The following MROH1 variants were observed in gnomAD, a reference collection of about 807,000 sequenced individuals.
MROH1 encodes the protein maestro heat-like repeat-containing protein family member 1.
In MROH1, 117 loss-of-function variants were observed where a neutral mutation model predicts 116.5. The observed-to-expected ratio is 1.00, with a 90% CI of 0.86 to 1.17. The LOEUF is 1.17. Among genes scored for constraint, MROH1 ranks in the 50% most tolerant of loss-of-function variants. The pLI, the probability that MROH1 is intolerant of heterozygous loss-of-function variation, is 0.00. For missense variants in MROH1, 1,873 were observed against 1,338.5 expected (o/e 1.40, Z -6.23); for synonymous variants, 921 against 583.9 (o/e 1.58, Z -8.32).
chr8:144,243,073 C>T (rs1002076253), intron 24 of MROH1, among the ~76,000 whole-genome samples: 2,160 of 152,378 alleles, frequency 0.014, 40 homozygotes, highest in African/African-American at 0.047. Context: ...AACAAGTTTC[C>T]CTTCTGGCCT....
intron 37 of MROH1, 78 bp downstream of exon 37, chr8:144,259,432 A>AC (rs1262968496): frequency 4.2e-6 from 3 of 709,696 alleles, no homozygotes; most frequent in South Asian, 1.5e-5. Flanking sequence ...CCCTTTTCTT[A>AC]CCCCTAAAAG....
intron 36 of MROH1, 31 bp from the exon 37 acceptor site, chr8:144,259,209 C>G: frequency 2.8e-6 from 2 of 709,732 alleles, no homozygotes; most frequent in Non-Finnish European, 5.2e-6. Context: ...ACAGCAACAG[C>G]CCCTGCACCC....
At chr8:144,172,757 C>T (rs1822830185) in intron 4 of MROH1, among the ~76,000 whole-genome samples, 1 of 152,104 alleles carries the variant, frequency 6.6e-6, no homozygotes, top group African/African-American at 2.4e-5. Context: ...CTGAATCCAC[C>T]TACGCCCTAT....
At chr8:144,168,860 T>C (rs1035467911) in intron 4 of MROH1, among the ~76,000 whole-genome samples, 6 of 152,202 alleles carry the variant, frequency 3.9e-5, no homozygotes, top group Non-Finnish European at 8.8e-5. Context: ...GGCCCGGCGC[T>C]GCTGGTCTTC....
rs149334326 is a variant in MROH1 at position 144,174,758 on chromosome 8, C to T, written c.169-4697C>T. 1.7e-3 allele frequency: 1,529 copies of T among 875,548 alleles called. 14 individuals carry two copies. In the African/African-American group the frequency reaches 0.024, roughly 14 times the overall value. 54.2% of individuals were successfully genotyped at this position (875,548 alleles called of 1,614,324 possible). On this transcript the variant is annotated intron_variant, in intron 4 of 43. Coordinates refer to ENST00000326134, the MANE Select transcript of MROH1 (RefSeq NM_032450.3). Reference sequence around the variant, plus strand: ...TTGGCCTCCCAAAGTGCTGGGGTTACAGGTGTGAGCCACTGTGGCTGGCCC... The same window carrying T: ...TTGGCCTCCCAAAGTGCTGGGGTTATAGGTGTGAGCCACTGTGGCTGGCCC...
intron 11 of MROH1, among the ~76,000 whole-genome samples, 152 bp downstream of exon 11, chr8:144,199,352 A>AGGCCTCTGAACCAG (rs570366187): frequency 2.0e-5 from 3 of 152,226 alleles, no homozygotes; most frequent in African/African-American, 7.2e-5. Flanking sequence ...GTGGCTCCAG[A>AGGCCTCTGAACCAG]GGCCTCTGAA....
At chr8:144,172,481 G>A (rs575828220) in intron 4 of MROH1, among the ~76,000 whole-genome samples, 287 of 149,646 alleles carry the variant, frequency 1.9e-3, no homozygotes, top group Non-Finnish European at 2.9e-3. Context: ...GCGCGATCTC[G>A]GCTCACTGCA....
chr8:144,177,501 C>A (rs1824308189), intron 4 of MROH1, among the ~76,000 whole-genome samples: 1 of 152,244 alleles, frequency 6.6e-6, no homozygotes, highest in Non-Finnish European at 1.5e-5. Context: ...TGGCTGTCTT[C>A]ACTGAGCCGG....
At position 144,261,546 on chromosome 8, in the gene MROH1, G is replaced by A. The variant is rs985467761; in HGVS notation, c.4841-109G>A. On this transcript the variant is annotated intron_variant, in intron 43 of 43. Coordinates refer to ENST00000326134, the MANE Select transcript of MROH1 (RefSeq NM_032450.3). Reference sequence around the variant, plus strand: ...CTAAAAAAGGAAAAACGATCTTTCCGTTGGCTCCTGAGCCTCCCAGCAGAG... The same window carrying A: ...CTAAAAAAGGAAAAACGATCTTTCCATTGGCTCCTGAGCCTCCCAGCAGAG... 73 of 691,896 alleles carry A rather than the reference G, an allele frequency of 1.1e-4. 2 individuals carry two copies. Among genetic ancestry groups the A allele is most frequent in the East Asian group, 7.3e-4 (27 of 37,142 alleles). The allele number at this position is 691,896 out of a possible 1,614,324, so 42.9% of individuals were successfully genotyped here.
chr8:144,259,930 C>T lies in MROH1; in HGVS notation c.4064C>T (p.Ala1355Val). ...FLAELLNSNV[A>V]NDLMLLDSLL... ...CTGCAGCTGCTGAACAGCAACGTGGCCAACGACCTCATGCTCTTGGACTCG... is the reference window on the plus strand; with the variant it reads ...CTGCAGCTGCTGAACAGCAACGTGGTCAACGACCTCATGCTCTTGGACTCG... The change falls in exon 38 of 44, where the codon GCC (alanine) becomes GTC (valine). Residue 1355 changes from alanine (A) to valine (V), a missense_variant. Transcript: ENST00000326134. The T allele has an allele frequency of 1.3e-6, 1 of 741,876 alleles. No homozygotes were observed. Among genetic ancestry groups the T allele is most frequent in the East Asian group, 2.6e-5 (1 of 38,968 alleles). The allele number at this position is 741,876 out of a possible 1,614,324, so 46.0% of individuals were successfully genotyped here.
chr8:144,190,894 G>T lies in MROH1; in HGVS notation c.673G>T (p.Asp225Tyr), dbSNP rs778259777. 1.2e-6 allele frequency: 2 copies of T among 1,613,558 alleles called. No individual in the cohort carries two copies. Among genetic ancestry groups the T allele is most frequent in the Non-Finnish European group, 1.7e-6 (2 of 1,179,882 alleles). Residue 225 changes from aspartate to tyrosine, a missense_variant, in exon 8 of 44, where the codon GAT becomes TAT. Coordinates refer to ENST00000326134, the MANE Select transcript of MROH1 (RefSeq NM_032450.3). ...TGCCACCGACATCTTCAGCGCCTAC[G>T]ATGTTCTCTTCCATCAGTGGCTGCA... ...AFATDIFSAYDVLFHQWLQSR... is the reference protein window; with the variant it reads ...AFATDIFSAYYVLFHQWLQSR...
intron 37 of MROH1, 31 bp downstream of exon 37, chr8:144,259,385 C>T (rs2129979432): frequency 1.4e-6 from 1 of 714,598 alleles, no homozygotes; most frequent in Non-Finnish European, 2.6e-6. Context: ...ATGCTGGGCA[C>T]CAAGGTGGGG....
At chr8:144,257,456 G>A (rs1844102528) in intron 35 of MROH1, among the ~76,000 whole-genome samples, 1 of 152,132 alleles carries the variant, frequency 6.6e-6, no homozygotes, top group African/African-American at 2.4e-5. Flanking sequence ...AGCTCCTACA[G>A]CCCCTGTCCA....
chr8:144,168,723 G>C (rs188727456), intron 4 of MROH1, among the ~76,000 whole-genome samples: 1 of 152,184 alleles, frequency 6.6e-6, no homozygotes, highest in African/African-American at 2.4e-5. Flanking sequence ...CCTAATGGCC[G>C]GGCTGTGTGC....
chr8:144,165,824 C>T (rs374215694), intron 3 of MROH1, among the ~76,000 whole-genome samples: 2 of 149,132 alleles, frequency 1.3e-5, no homozygotes, highest in Non-Finnish European at 3.0e-5. Context: ...CTTAAGTGAT[C>T]GGCCTCCCAA....
rs1311583810 is a variant in MROH1 at position 144,199,114 on chromosome 8, T to C, written c.949-8T>C. 1 of 1,613,438 alleles carries C rather than the reference T, an allele frequency of 6.2e-7. No individual in the cohort carries two copies. The highest frequency in any genetic ancestry group is 8.5e-7 in the Non-Finnish European group (1 of 1,179,636). On this transcript the variant is annotated splice_region_variant and splice_polypyrimidine_tract_variant and intron_variant, in intron 10 of 43. Transcript: ENST00000326134. ...TGGTCTATAACCTCGGCCCCGTTCCTGGAGCAGATCTGTGTGCCTGTGGAG... is the reference window on the plus strand; with the variant it reads ...TGGTCTATAACCTCGGCCCCGTTCCCGGAGCAGATCTGTGTGCCTGTGGAG...
chr8:144,150,865 T>C (rs1816562028), intron 1 of MROH1, among the ~76,000 whole-genome samples: 1 of 152,160 alleles, frequency 6.6e-6, no homozygotes, highest in Non-Finnish European at 1.5e-5. Flanking sequence ...TGGACCTAGA[T>C]GAGGACAGGC....
chr8:144,254,976 T>C lies in MROH1; in HGVS notation c.3592T>C (p.Ser1198Pro). 1.3e-6 allele frequency: 1 copy of C among 760,922 alleles called. No homozygotes were observed. Among genetic ancestry groups the C allele is most frequent in the South Asian group, 1.4e-5 (1 of 71,860 alleles). The allele number at this position is 760,922 out of a possible 1,614,324, so 47.1% of individuals were successfully genotyped here. A position where few individuals can be genotyped will look rare whatever the true frequency, so the allele number is the denominator to read the frequency against. Residue 1198 changes from serine (S) to proline (P), a missense_variant and splice_region_variant, in exon 34 of 44, where the codon TCG (serine) becomes CCG (proline). Physicochemically the swap from Ser to Pro is moderately conservative, Grantham distance 74. Coordinates refer to ENST00000326134, the MANE Select transcript of MROH1 (RefSeq NM_032450.3). ...PDRVATLLPL[S>P]ATCALFEVMS... is the part of the protein sequence containing the mutation. ...CCGCGTGGCCACGCTGCTGCCTCTC[T>C]CGGTGAGTCGGGCTCTCGGGGCCAC...
chr8:144,161,339 C>A (rs1486924625), intron 2 of MROH1, among the ~76,000 whole-genome samples: 1 of 152,168 alleles, frequency 6.6e-6, no homozygotes, highest in Non-Finnish European at 1.5e-5. Flanking sequence ...GGCTATTATT[C>A]TGCTGACCAG....
Sources: gnomAD v4.1 joint callset for allele counts (sites outside exome capture counted in the v4.1 genomes callset) on GRCh38, gnomAD v4.1.1 for gene constraint, MANE v1.5 for transcripts, NCBI Gene and HGNC (gene_info 2026-07-23, HGNC 2026-07-21) for gene names.